Variants in ACACA observed in about 807,000 individuals in gnomAD.
ACACA encodes the protein acetyl-CoA carboxylase alpha, also known as acetyl-CoA carboxylase 1.
Under a neutral mutation model 296.1 loss-of-function variants are expected in ACACA, and 103 were observed. That is an observed-to-expected ratio of 0.35 (90% CI 0.30 to 0.41). The LOEUF is 0.41. Among genes scored for constraint, ACACA ranks in the 10% least tolerant of loss-of-function variants. The pLI is 1.00. For missense variants in ACACA, 1,554 were observed against 2,989.7 expected (o/e 0.52, Z 11.20); for synonymous variants, 953 against 1,038.6 (o/e 0.92, Z 1.58).
At chr17:37,259,639 GC>G (rs1438412744) in intron 11 of ACACA, 109 bp from the exon 12 acceptor site, 49 of 1,205,232 alleles carry the variant, frequency 4.1e-5, no homozygotes, top group Non-Finnish European at 5.4e-5. Flanking sequence ...GCCATCAAAA[GC>G]TTTTAGCCAC....
At chr17:37,279,711 T>C (rs2082425952) in intron 5 of ACACA, among the ~76,000 whole-genome samples, 1 of 151,482 alleles carries the variant, frequency 6.6e-6, no homozygotes, top group African/African-American at 2.4e-5. Flanking sequence ...CTCGGGAGGC[T>C]GAGGCATGAG....
intron 45 of ACACA, among the ~76,000 whole-genome samples, chr17:37,135,977 C>A (rs1290940115): frequency 6.7e-6 from 1 of 150,236 alleles, no homozygotes; most frequent in Admixed American, 6.6e-5. Context: ...GAAGACCTGG[C>A]CTCAAGCAAT....
At chr17:37,179,083 T>C (rs1480449056) in intron 41 of ACACA, among the ~76,000 whole-genome samples, 177 bp downstream of exon 41, 1 of 152,232 alleles carries the variant, frequency 6.6e-6, no homozygotes, top group Non-Finnish European at 1.5e-5. Flanking sequence ...AGCAAAATCA[T>C]AATACCATTA....
intron 50 of ACACA, among the ~76,000 whole-genome samples, chr17:37,114,811 T>C (rs1381376128): frequency 1.3e-5 from 2 of 152,212 alleles, no homozygotes; most frequent in Non-Finnish European, 2.9e-5. Flanking sequence ...GATCAAACTT[T>C]CTTATCAAAG....
chr17:37,385,184 A>C (rs538670141), intron 1 of ACACA, among the ~76,000 whole-genome samples: 1 of 152,170 alleles, frequency 6.6e-6, no homozygotes, highest in African/African-American at 2.4e-5. Flanking sequence ...TTTGAAAGCA[A>C]GGCCAGGCTG....
intron 3 of ACACA, among the ~76,000 whole-genome samples, chr17:37,318,180 G>A (rs1458650520): frequency 2.0e-5 from 3 of 152,156 alleles, no homozygotes; most frequent in Non-Finnish European, 4.4e-5. Context: ...CCATGTCAAA[G>A]CTTGATAGTG....
chr17:37,214,545 T>C (rs933613970), intron 29 of ACACA, among the ~76,000 whole-genome samples: 1 of 152,054 alleles, frequency 6.6e-6, no homozygotes, highest in Non-Finnish European at 1.5e-5. Flanking sequence ...TGCTTTTCCT[T>C]CCCCCAGGAC....
chr17:37,174,005 TATATATATA>T lies in ACACA; in HGVS notation c.5079+5246_5079+5254del, dbSNP rs1384986332. On this transcript the variant is annotated intron_variant, in intron 41 of 55. Coordinates refer to ENST00000616317, the MANE Select transcript of ACACA (RefSeq NM_198834.3). ...ATTTATATATATATATATATATATATATATATATATATATATTTTTTTTTTTTTTTTTTT... is the reference window on the plus strand; with the variant it reads ...ATTTATATATATATATATATATATATTATATATTTTTTTTTTTTTTTTTTT... Among the ~76,000 whole-genome samples the T allele has an allele frequency of 6.6e-3, 96 of 14,468 alleles. 5 individuals are homozygous for T. The highest frequency in any genetic ancestry group is 0.035 in the African/African-American group (71 of 2,028). The allele number at this position is 14,468 out of a possible 152,430, so 9.5% of individuals were successfully genotyped here.
chr17:37,244,382 G>A (rs968044571), intron 21 of ACACA, among the ~76,000 whole-genome samples: 4 of 149,464 alleles, frequency 2.7e-5, no homozygotes, highest in African/African-American at 7.3e-5. Flanking sequence ...AAAAAAAAAG[G>A]AGTAATCACA....
At chr17:37,383,701 C>T (rs571451729) in intron 1 of ACACA, among the ~76,000 whole-genome samples, 1 of 152,292 alleles carries the variant, frequency 6.6e-6, no homozygotes, top group Admixed American at 6.5e-5. Context: ...CACCACCATG[C>T]CCAGCTAATT....
At chr17:37,334,877 C>T (rs1228245754) in intron 2 of ACACA, among the ~76,000 whole-genome samples, 1 of 152,130 alleles carries the variant, frequency 6.6e-6, no homozygotes, top group African/African-American at 2.4e-5. Context: ...CTTCACTGCC[C>T]ACACCCATAT....
intron 52 of ACACA, among the ~76,000 whole-genome samples, chr17:37,108,842 T>C (rs986074643): frequency 7.2e-5 from 11 of 152,220 alleles, no homozygotes; most frequent in Non-Finnish European, 1.6e-4. Flanking sequence ...AGATTTTCTC[T>C]GTGGAAATGG....
intron 52 of ACACA, among the ~76,000 whole-genome samples, chr17:37,102,099 A>G (rs771190573): frequency 2.6e-5 from 4 of 152,084 alleles, no homozygotes; most frequent in Non-Finnish European, 4.4e-5. Context: ...CATGATCTCC[A>G]ATCCTTAGGA....
chr17:37,175,767 T>C (rs993060202), intron 41 of ACACA, among the ~76,000 whole-genome samples: 4 of 152,230 alleles, frequency 2.6e-5, no homozygotes, highest in African/African-American at 9.6e-5. Flanking sequence ...TCATACTAAA[T>C]GTAATGCCAT....
chr17:37,104,241 T>C (rs1257102098), intron 52 of ACACA, among the ~76,000 whole-genome samples: 2 of 152,220 alleles, frequency 1.3e-5, no homozygotes, highest in Admixed American at 1.3e-4. Flanking sequence ...AGGGTGACCT[T>C]GTCTCTTAAA....
At chr17:37,234,239 AGTAGTCCTACT>A (rs2080002679) in intron 25 of ACACA, among the ~76,000 whole-genome samples, 1 of 152,190 alleles carries the variant, frequency 6.6e-6, no homozygotes, top group African/African-American at 2.4e-5. Flanking sequence ...GGACTCTAGG[AGTAGTCCTACT>A]GTACTAATTC....
At chr17:37,288,864 C>T (rs546161778) in intron 3 of ACACA, among the ~76,000 whole-genome samples, 57 of 152,100 alleles carry the variant, frequency 3.7e-4, no homozygotes, top group African/African-American at 1.3e-3. Flanking sequence ...CACCACTGCA[C>T]TCCAGCCTAG....
At chr17:37,214,524 G>A (rs963961262) in intron 29 of ACACA, among the ~76,000 whole-genome samples, 5 of 152,162 alleles carry the variant, frequency 3.3e-5, no homozygotes, top group Admixed American at 2.0e-4. Flanking sequence ...ATTTACAGGT[G>A]TCCTGGATTC....
intron 3 of ACACA, among the ~76,000 whole-genome samples, chr17:37,294,969 G>A (rs951609611): frequency 2.0e-5 from 3 of 152,192 alleles, no homozygotes; most frequent in African/African-American, 7.2e-5. Flanking sequence ...AATTTGATAA[G>A]GCCACACTTT....
Sources: allele counts gnomAD v4.1 joint callset (sites outside exome capture counted in the v4.1 genomes callset), GRCh38; gene constraint gnomAD v4.1.1; transcripts MANE v1.5; gene names NCBI Gene and HGNC (gene_info 2026-07-23, HGNC 2026-07-21).